PRPH2: variants seen among roughly 807,000 people sequenced by gnomAD.
PRPH2 encodes peripherin 2, also known as peripherin-2.
PRPH2 carries 17 observed loss-of-function variants against 31.3 expected under a neutral mutation model. The observed-to-expected ratio is 0.54, with a 90% CI of 0.37 to 0.81. The LOEUF (loss-of-function observed/expected upper bound fraction) is 0.81, where lower values mean the gene tolerates loss of function less well. PRPH2 is among the 40% of genes least tolerant of loss of function. The pLI, the probability that PRPH2 is intolerant of heterozygous loss-of-function variation, is 0.00. For missense variants in PRPH2, 430 were observed against 439.7 expected (o/e 0.98, Z 0.20); for synonymous variants, 165 against 184.4 (o/e 0.89, Z 0.85).
In PRPH2 at chr6:42,715,274, G is replaced by A. The variant is rs191622655; in HGVS notation, c.581+6480C>T. On this transcript the variant is annotated intron_variant, in intron 1 of 2. Coordinates refer to ENST00000230381, the MANE Select transcript of PRPH2 (RefSeq NM_000322.5). ...ACAAAAACTTCCCAGGAGGAGTTTT[G>A]TGCAGGATAAATGTGGGTCATTTCC... 2.6e-5 allele frequency among the ~76,000 whole-genome samples: 4 copies of A among 152,222 alleles called. No individual in the cohort carries two copies. The East Asian group carries it at 7.7e-4, about 29-fold the overall frequency.
chr6:42,711,192 A>T (rs1355505016), intron 1 of PRPH2, among the ~76,000 whole-genome samples: 3 of 152,178 alleles, frequency 2.0e-5, no homozygotes, highest in Non-Finnish European at 4.4e-5. Flanking sequence ...TGCCATTATC[A>T]TGGGAGTGGG....
intron 1 of PRPH2, among the ~76,000 whole-genome samples, chr6:42,720,836 C>T (rs1341224089): frequency 6.6e-6 from 1 of 152,190 alleles, no homozygotes; most frequent in Non-Finnish European, 1.5e-5. Context: ...AAAAGTCACT[C>T]GAGCCCCAGG....
rs768877259 is a variant in PRPH2, at chr6:42,698,251, TGCACTATTTCTCA to T, written c.*31_*43del. Reference sequence around the variant, plus strand: ...AGGGGGAGATCCACGTTTCTTGGAGTGCACTATTTCTCAGTGTTCGGGAGGGGAGGGGCCCCAG... The same window carrying T: ...AGGGGGAGATCCACGTTTCTTGGAGTGTGTTCGGGAGGGGAGGGGCCCCAG... On this transcript the variant is annotated 3_prime_UTR_variant, in exon 3 of 3. Transcript: ENST00000230381. 55 of 1,609,864 alleles carry T rather than the reference TGCACTATTTCTCA, an allele frequency of 3.4e-5. No individual in the cohort carries two copies. Among genetic ancestry groups the T allele is most frequent in the Non-Finnish European group, 8.5e-6 (10 of 1,178,754 alleles).
In PRPH2 at chr6:42,698,403, G is replaced by C. The variant is rs137853904; in HGVS notation, c.933C>G (p.Ser311Arg). The change falls in exon 3 of 3, where the codon AGC becomes AGG. Residue 311 changes from serine to arginine, a missense_variant. By Grantham distance (110) the Ser-to-Arg change is moderately radical. Transcript: ENST00000230381. The part of the protein sequence containing the change: ...SESQGWLLER[S>R]VPETWKAFLE... The stretch of plus-strand genomic sequence containing the variant: ...GAAAGGCCTTCCAGGTCTCCGGCAC[G>C]CTCCTCTCCAGCAGCCAGCCCTGGC... 2.4e-5 allele frequency: 38 copies of C among 1,613,804 alleles called. No individual in the cohort carries two copies. Among genetic ancestry groups the C allele is most frequent in the Non-Finnish European group, 3.2e-5 (38 of 1,179,738 alleles).
intron 2 of PRPH2, among the ~76,000 whole-genome samples, chr6:42,701,967 G>A (rs537286629): frequency 9.2e-5 from 14 of 152,110 alleles, no homozygotes; most frequent in African/African-American, 2.9e-4. Context: ...TCGGCTGGGC[G>A]CAGTGGCTCA....
intron 1 of PRPH2, among the ~76,000 whole-genome samples, chr6:42,717,352 G>A (rs569525229): frequency 2.8e-4 from 43 of 151,892 alleles, no homozygotes; most frequent in Non-Finnish European, 4.7e-4. Context: ...CCAGGGGGGC[G>A]AGGATGCAGT....
rs758336829 is a variant in PRPH2 at position 42,722,282 on chromosome 6, T to C, written c.53A>G (p.Gln18Arg). The change falls in exon 1 of 3, where the codon CAA becomes CGA. Residue 18 changes from glutamine (Q) to arginine (R), a missense_variant. Gln to Arg is a conservative substitution (Grantham distance 43, BLOSUM62 1). Coordinates refer to ENST00000230381, the MANE Select transcript of PRPH2 (RefSeq NM_000322.5). This position sits in a 1 kb window ranked among gnomAD's most constrained non-coding sequence, Gnocchi z 4.4. ...GAACCAGTTCATGAGCCAGAGCCCT[T>C]GGGCCAACTTGACCCGCTTCTTCTG... ...FDQKKRVKLA[Q>R]GLWLMNWFSV... The C allele has an allele frequency of 3.1e-6, 5 of 1,614,040 alleles. No individual in the cohort carries two copies. In the African/African-American group the frequency reaches 5.3e-5, roughly 17 times the overall value.
rs139185976 is a variant in PRPH2 at position 42,704,570 on chromosome 6, C to T, written c.623G>A (p.Gly208Asp). The change falls in exon 2 of 3, where the codon GGC (glycine) becomes GAC (aspartate). Residue 208 changes from glycine to aspartate, a missense_variant. Coordinates refer to ENST00000230381, the MANE Select transcript of PRPH2 (RefSeq NM_000322.5). ...SNVDGRYLVD[G>D]VPFSCCNPSS... is the part of the protein sequence containing the mutation. ...AGGATTGCAGCAGCTGAAAGGGACG[C>T]CGTCCACCAGGTACCGCCCATCCAC... The T allele has an allele frequency of 8.6e-5, 139 of 1,614,058 alleles. No individual in the cohort carries two copies. The highest frequency in any genetic ancestry group is 1.2e-4 in the Non-Finnish European group (136 of 1,180,044).
chr6:42,709,281 G>C (rs1320947870), intron 1 of PRPH2, among the ~76,000 whole-genome samples: 1 of 143,966 alleles, frequency 6.9e-6, no homozygotes, highest in Non-Finnish European at 1.5e-5. Flanking sequence ...AGTGAGCTGA[G>C]ATCATGCCAT....
At position 42,696,606 on chromosome 6, in the gene PRPH2, C is replaced by T. The variant is rs1046663485; in HGVS notation, c.*1689G>A. On this transcript the variant is annotated 3_prime_UTR_variant, in exon 3 of 3. Transcript: ENST00000230381. ...TCATTTAACAAAAGTGATTTTCATACAGTATGAATTTTAATTATCTATTGA... is the reference window on the plus strand; with the variant it reads ...TCATTTAACAAAAGTGATTTTCATATAGTATGAATTTTAATTATCTATTGA... The T allele has an allele frequency of 6.6e-6, 1 of 152,152 alleles. No individual in the cohort carries two copies. Among genetic ancestry groups the T allele is most frequent in the Non-Finnish European group, 1.5e-5 (1 of 68,038 alleles). The allele number at this position is 152,152 out of a possible 1,614,324, so 9.4% of individuals were successfully genotyped here.
intron 1 of PRPH2, among the ~76,000 whole-genome samples, chr6:42,720,232 G>A (rs980680344): frequency 3.3e-5 from 5 of 152,126 alleles, no homozygotes; most frequent in African/African-American, 1.2e-4. Context: ...TGGAGTTACC[G>A]AGAGATTTGA....
chr6:42,719,293 C>G (rs146670701), intron 1 of PRPH2, among the ~76,000 whole-genome samples: 1 of 152,092 alleles, frequency 6.6e-6, no homozygotes, highest in East Asian at 1.9e-4. Context: ...TCTCCTGCCT[C>G]AGCCTCCCGA....
In PRPH2 at chr6:42,705,924, A is replaced by T. The variant is rs974831616; in HGVS notation, c.582-1313T>A. ...CAGTGAGCCAAGATCACACCACTGC[A>T]CTCCAGCCCGTACGATACAGTGAGA... On this transcript the variant is annotated intron_variant, in intron 1 of 2. Transcript: ENST00000230381. 6.2e-5 allele frequency among the ~76,000 whole-genome samples: 9 copies of T among 145,506 alleles called. No homozygotes were observed. In the Admixed American group the frequency reaches 6.4e-4, roughly 10 times the overall value.
intron 1 of PRPH2, among the ~76,000 whole-genome samples, chr6:42,716,153 C>G (rs1415405557): frequency 6.6e-6 from 1 of 152,172 alleles, no homozygotes; most frequent in East Asian, 1.9e-4. Context: ...CTCAGACCAG[C>G]TCATTCTCCT....
rs146635371 is a variant in PRPH2, at chr6:42,722,452, G to A, written c.-118C>T. On this transcript the variant is annotated 5_prime_UTR_variant, in exon 1 of 3. Coordinates refer to ENST00000230381, the MANE Select transcript of PRPH2 (RefSeq NM_000322.5). This position sits in a 1 kb window ranked among gnomAD's most constrained non-coding sequence, Gnocchi z 4.4. ...AAGTGCAGATGGCCCAAGCTGTAGG[G>A]AGCTGCCCTGGGGGCTACCCATGTC... The A allele has an allele frequency of 9.7e-6, 15 of 1,539,958 alleles. No individual in the cohort carries two copies. The Middle Eastern group carries it at 8.9e-4, about 91-fold the overall frequency.
intron 2 of PRPH2, among the ~76,000 whole-genome samples, chr6:42,700,745 C>G (rs1471484450): frequency 1.3e-5 from 2 of 152,162 alleles, no homozygotes; most frequent in African/African-American, 4.8e-5. Context: ...TAGACATCAT[C>G]TCCTGACTGG....
chr6:42,698,506 A>G lies in PRPH2; in HGVS notation c.830T>C (p.Val277Ala), dbSNP rs140406696. The change falls in exon 3 of 3, where the codon GTG (valine) becomes GCG (alanine). Residue 277 changes from valine to alanine, a missense_variant and splice_region_variant. Val to Ala is a moderately conservative substitution (Grantham distance 64). Coordinates refer to ENST00000230381, the MANE Select transcript of PRPH2 (RefSeq NM_000322.5). The part of the protein sequence containing the change: ...VVTLLIWLFE[V>A]TITIGLRYLQ... ...GTAGCGCAGCCCAATTGTAATGGTC[A>G]CCTGGTGGTGGGAGAGGAGATTTAG... is the stretch of plus-strand genomic sequence containing the variant. 3 of 1,614,112 alleles carry G rather than the reference A, an allele frequency of 1.9e-6. No individual in the cohort carries two copies. The highest frequency in any genetic ancestry group is 1.7e-6 in the Non-Finnish European group (2 of 1,180,008).
At chr6:42,707,106 G>T (rs368056860) in intron 1 of PRPH2, among the ~76,000 whole-genome samples, 1 of 151,272 alleles carries the variant, frequency 6.6e-6, no homozygotes, top group African/African-American at 2.4e-5. Context: ...TGTCATATTG[G>T]CCAGGCTGCT....
intron 2 of PRPH2, among the ~76,000 whole-genome samples, chr6:42,698,761 A>G (rs1799995830): frequency 6.6e-6 from 1 of 151,976 alleles, no homozygotes; most frequent in South Asian, 2.1e-4. Context: ...GGATTCGCCC[A>G]TGCCCCCTAC....
Sources: gnomAD v4.1 joint callset for allele counts (sites outside exome capture counted in the v4.1 genomes callset) on GRCh38, gnomAD v4.1.1 for gene constraint, Gnocchi (gnomAD v3.1) non-coding constraint, MANE v1.5 for transcripts, NCBI Gene and HGNC (gene_info 2026-07-23, HGNC 2026-07-21) for gene names.